TTPA: variants seen among roughly 807,000 people sequenced by gnomAD.
TTPA encodes the protein alpha-tocopherol transfer protein.
A neutral mutation model predicts 25.9 loss-of-function variants in TTPA; 23 were observed. That is an observed-to-expected ratio of 0.89 (90% CI 0.64 to 1.26). The LOEUF (loss-of-function observed/expected upper bound fraction) is 1.26, where lower values mean the gene tolerates loss of function less well. Ranked by LOEUF, TTPA falls within the 50% of genes most tolerant of loss-of-function variation. The pLI, the probability that TTPA is intolerant of heterozygous loss-of-function variation, is 0.00. For synonymous variants in TTPA, 148 were observed against 137.3 expected (o/e 1.08, Z -0.54); for missense variants, 337 against 353.1 (o/e 0.95, Z 0.37).
At chr8:63,070,047 A>G (rs568695939) in intron 2 of TTPA, among the ~76,000 whole-genome samples, 1 of 152,312 alleles carries the variant, frequency 6.6e-6, no homozygotes, top group East Asian at 1.9e-4. Flanking sequence ...CAGCTTTTCA[A>G]TGTGCCCATT....
rs150710403 is a variant in TTPA at position 63,066,004 on chromosome 8, C to T, written c.452G>A (p.Arg151Gln). 938 of 1,614,020 alleles carry T rather than the reference C, an allele frequency of 5.8e-4. 1 individual carries two copies. The highest frequency in any genetic ancestry group is 1.2e-3 in the South Asian group (106 of 91,064). ...ELIVQEVETQRNGIKAIFDLE... is the reference protein window; with the variant it reads ...ELIVQEVETQQNGIKAIFDLE... ...ATCAAAGATAGCCTTGATTCCATTC[C>T]GCTGAGTTTCTACCTCCTGTACAAT... Residue 151 changes from arginine (R) to glutamine (Q), a missense_variant, in exon 3 of 5, where the codon CGG becomes CAG. By Grantham distance (43) the Arg-to-Gln change is conservative (BLOSUM62 1). Coordinates refer to ENST00000260116, the MANE Select transcript of TTPA (RefSeq NM_000370.3).
Position 63,085,824 on chromosome 8 carries a change from G to C in TTPA, c.198C>G (p.Ala66=), listed in dbSNP as rs1563366966. Residue 66 remains alanine (A), a synonymous_variant, in exon 1 of 5, where the codon GCC becomes GCG. Coordinates refer to ENST00000260116, the MANE Select transcript of TTPA (RefSeq NM_000370.3). ...CCTGGGCACGCACGCTTACCCGCCA[G>C]GCCAGGTCCAGATCGAAATCCCGGG... ...LRARDFDLDL[A]WRLLKNYYKW... The C allele has an allele frequency of 2.6e-6, 4 of 1,536,280 alleles. No individual in the cohort carries two copies. In the Admixed American group the frequency reaches 5.9e-5, roughly 23 times the overall value.
chr8:63,068,479 A>C (rs1805431991), intron 2 of TTPA, among the ~76,000 whole-genome samples: 1 of 152,186 alleles, frequency 6.6e-6, no homozygotes, highest in South Asian at 2.1e-4. Context: ...AATGTGGTAA[A>C]AAGAAAGTCA....
At chr8:63,080,730 AAAAAAT>A (rs1805649800) in intron 1 of TTPA, among the ~76,000 whole-genome samples, 2 of 147,886 alleles carry the variant, frequency 1.4e-5, no homozygotes, top group Admixed American at 1.3e-4. Context: ...AAAAAAAAAA[AAAAAAT>A]AAATAATAAT....
Position 63,065,923 on chromosome 8 carries a change from T to A in TTPA, c.533A>T (p.Lys178Met). The change falls in exon 3 of 5, where the codon AAG becomes ATG. Residue 178 changes from lysine (K) to methionine (M), a missense_variant. By Grantham distance (95) the Lys-to-Met change is moderately conservative. Coordinates refer to ENST00000260116, the MANE Select transcript of TTPA (RefSeq NM_000370.3). ...AFQITPSVAK[K>M]IAAVLTDSFP... The stretch of plus-strand genomic sequence containing the variant: ...ATTTACCGTAAGTACAGCAGCAATC[T>A]TCTTGGCTACGGATGGAGTGATTTG... 1.2e-6 allele frequency: 2 copies of A among 1,614,120 alleles called. No homozygotes were observed. Among genetic ancestry groups the A allele is most frequent in the Non-Finnish European group, 1.7e-6 (2 of 1,179,990 alleles).
chr8:63,083,734 T>G (rs985176126), intron 1 of TTPA, among the ~76,000 whole-genome samples: 5 of 151,866 alleles, frequency 3.3e-5, no homozygotes, highest in African/African-American at 1.2e-4. Context: ...TAATCACACT[T>G]AAATAAATGC....
rs2045224 is a variant in TTPA, at chr8:63,061,429, A to C, written c.664-4T>G. On this transcript the variant is annotated splice_polypyrimidine_tract_variant and splice_region_variant and intron_variant, in intron 4 of 4. Coordinates refer to ENST00000260116, the MANE Select transcript of TTPA (RefSeq NM_000370.3). ...AGTTGTTCCCATGCATGTGAATCTGAAATAGCCAAAACACTTTAGAAGGAA... is the reference window on the plus strand; with the variant it reads ...AGTTGTTCCCATGCATGTGAATCTGCAATAGCCAAAACACTTTAGAAGGAA... The C allele has an allele frequency of 2.5e-3, 4,066 of 1,613,848 alleles. 83 individuals are homozygous for C. In the Admixed American group the frequency reaches 0.043, roughly 17 times the overall value.
At chr8:63,068,076 T>G (rs1020869694) in intron 2 of TTPA, among the ~76,000 whole-genome samples, 2 of 152,132 alleles carry the variant, frequency 1.3e-5, no homozygotes, top group African/African-American at 4.8e-5. Flanking sequence ...GACATCCAAC[T>G]GGGTGCAGCT....
At chr8:63,080,555 A>C (rs1805644573) in intron 1 of TTPA, among the ~76,000 whole-genome samples, 1 of 151,964 alleles carries the variant, frequency 6.6e-6, no homozygotes, top group South Asian at 2.1e-4. Context: ...CCCCGTCTCT[A>C]CTAAAAATAC....
At chr8:63,058,969 C>T (rs1290337015), downstream of TTPA, among the ~76,000 whole-genome samples, 4 of 133,806 alleles carry the variant, frequency 3.0e-5, no homozygotes, top group Middle Eastern at 4.9e-3. Context: ...AAATAGTATG[C>T]TTTTATTTTA....
intron 2 of TTPA, among the ~76,000 whole-genome samples, chr8:63,071,476 G>A (rs1303271260): frequency 2.6e-5 from 4 of 151,914 alleles, no homozygotes; most frequent in Non-Finnish European, 5.9e-5. Flanking sequence ...CCTTCAACTG[G>A]GCCATGAGAA....
At chr8:63,069,422 T>C (rs755746448) in intron 2 of TTPA, among the ~76,000 whole-genome samples, 3 of 152,210 alleles carry the variant, frequency 2.0e-5, no homozygotes, top group Middle Eastern at 3.4e-3. Flanking sequence ...GTGTGGTCAT[T>C]CAAATTTAAA....
chr8:63,083,247 T>A (rs897440883), intron 1 of TTPA, among the ~76,000 whole-genome samples: 2 of 152,174 alleles, frequency 1.3e-5, no homozygotes, highest in Non-Finnish European at 2.9e-5. Context: ...CAAATGTCCA[T>A]CAATGATAGA....
In TTPA at chr8:63,064,162, A is replaced by G. The variant is rs1805351283; in HGVS notation, c.663+44T>C. On this transcript the variant is annotated intron_variant, in intron 4 of 4. Transcript: ENST00000260116. ...AATCCTTAAATTAAAAAGGGTTGGA[A>G]TGTTTGGTGTAGAGGAACACAGACT... 5.1e-6 allele frequency: 7 copies of G among 1,378,210 alleles called. No individual in the cohort carries two copies. In the East Asian group the frequency reaches 1.4e-4, roughly 27 times the overall value. The allele number at this position is 1,378,210 out of a possible 1,614,324, so 85.4% of individuals were successfully genotyped here. A position where few individuals can be genotyped will look rare whatever the true frequency, so the allele number is the denominator to read the frequency against.
chr8:63,075,630 C>T (rs1348460756), intron 1 of TTPA, among the ~76,000 whole-genome samples: 4 of 142,296 alleles, frequency 2.8e-5, no homozygotes, highest in East Asian at 2.1e-4. Flanking sequence ...ACCTGGGAGG[C>T]GAAGGTTGCA....
At chr8:63,081,885 T>C (rs2129785591) in intron 1 of TTPA, among the ~76,000 whole-genome samples, 1 of 152,246 alleles carries the variant, frequency 6.6e-6, no homozygotes, top group Non-Finnish European at 1.5e-5. Context: ...TGAACTCCCA[T>C]TCACAATTGC....
chr8:63,069,621 G>C (rs1019555002), intron 2 of TTPA, among the ~76,000 whole-genome samples: 1 of 151,920 alleles, frequency 6.6e-6, no homozygotes, highest in African/African-American at 2.4e-5. Flanking sequence ...TCTAGTCCCA[G>C]CTACTCCAAA....
At chr8:63,061,633 G>T (rs541432145) in intron 4 of TTPA, among the ~76,000 whole-genome samples, 1 of 152,130 alleles carries the variant, frequency 6.6e-6, no homozygotes, top group South Asian at 2.1e-4. Flanking sequence ...CTGTTTCTTG[G>T]ATTTGCATTC....
In TTPA at chr8:63,072,872, AG is replaced by A. The variant is rs910649572; in HGVS notation, c.358+62del. On this transcript the variant is annotated intron_variant, in intron 2 of 4. Transcript: ENST00000260116. ...AAATGGAAGAAAGAGAGAAGAGGAG[AG>A]GGGAGGGAACACAACTGAACTGGAG... The A allele has an allele frequency of 4.5e-6, 7 of 1,568,932 alleles. No homozygotes were observed. In the African/African-American group the frequency reaches 8.1e-5, roughly 18 times the overall value.
Sources: gnomAD v4.1 joint callset for allele counts (sites outside exome capture counted in the v4.1 genomes callset) on GRCh38, gnomAD v4.1.1 for gene constraint, MANE v1.5 for transcripts, NCBI Gene and HGNC (gene_info 2026-07-23, HGNC 2026-07-21) for gene names.